Variants in SERPINB7 observed in about 807,000 individuals in gnomAD.
SERPINB7 encodes the protein serpin B7.
In SERPINB7, 31 loss-of-function variants were observed where a neutral mutation model predicts 37.4. The ratio of observed to expected loss-of-function variants is 0.83; its 90% confidence interval spans 0.62 to 1.12. The LOEUF is 1.12. Among genes scored for constraint, SERPINB7 ranks in the 50% most tolerant of loss-of-function variants. SERPINB7 has a pLI of 0.00. For missense variants in SERPINB7, 521 were observed against 455.3 expected (o/e 1.14, Z -1.31); for synonymous variants, 163 against 166.1 (o/e 0.98, Z 0.14).
intron 2 of SERPINB7, among the ~76,000 whole-genome samples, chr18:63,783,742 G>A (rs750817031): frequency 3.3e-5 from 5 of 152,074 alleles, no homozygotes; most frequent in Admixed American, 6.5e-5. Flanking sequence ...CCTTGATGTC[G>A]TCCCTTTCTG....
rs56321333 is a variant in SERPINB7, at chr18:63,786,099, GTA to G, written c.168+3567_168+3568del. Among the ~76,000 whole-genome samples the G allele has an allele frequency of 3.2e-3, 200 of 62,604 alleles. 4 individuals are homozygous for G. Among genetic ancestry groups the G allele is most frequent in the Non-Finnish European group, 5.1e-3 (171 of 33,410 alleles). 41.1% of individuals were successfully genotyped at this position (62,604 alleles called of 152,430 possible). On this transcript the variant is annotated intron_variant, in intron 2 of 7. Coordinates refer to ENST00000398019, the MANE Select transcript of SERPINB7 (RefSeq NM_003784.4). ...ATATACATATATACATATAATATAA[GTA>G]TATATATGTATATATGTATATATAT...
chr18:63,804,688 C>G lies in SERPINB7; in HGVS notation c.*53C>G, dbSNP rs1217606877. Reference sequence around the variant, plus strand: ...TCCCCACAACATCAAAGAACCACCACAAGTCAATAGATTTGAGTTTAATTG... The same window carrying G: ...TCCCCACAACATCAAAGAACCACCAGAAGTCAATAGATTTGAGTTTAATTG... On this transcript the variant is annotated 3_prime_UTR_variant, in exon 8 of 8. Coordinates refer to ENST00000398019, the MANE Select transcript of SERPINB7 (RefSeq NM_003784.4). The G allele has an allele frequency of 6.7e-7, 1 of 1,486,726 alleles. No individual in the cohort carries two copies. The highest frequency in any genetic ancestry group is 9.0e-7 in the Non-Finnish European group (1 of 1,105,480). The allele number at this position is 1,486,726 out of a possible 1,614,324, so 92.1% of individuals were successfully genotyped here.
chr18:63,803,053 C>T (rs1433804969), intron 7 of SERPINB7, among the ~76,000 whole-genome samples: 1 of 151,928 alleles, frequency 6.6e-6, no homozygotes, highest in Non-Finnish European at 1.5e-5. Context: ...AAAAAGTAGC[C>T]CAGATAAAGC....
intron 1 of SERPINB7, among the ~76,000 whole-genome samples, chr18:63,757,590 C>T (rs1217428643): frequency 6.6e-6 from 1 of 152,190 alleles, no homozygotes; most frequent in African/African-American, 2.4e-5. Flanking sequence ...TGAAACACAG[C>T]CATGTCTATT....
chr18:63,787,161 G>A (rs2049381704), intron 2 of SERPINB7, among the ~76,000 whole-genome samples: 1 of 152,106 alleles, frequency 6.6e-6, no homozygotes, highest in African/African-American at 2.4e-5. Flanking sequence ...GGTCACATAT[G>A]GAATTTTCTA....
At chr18:63,768,016 G>T (rs936234549) in intron 1 of SERPINB7, among the ~76,000 whole-genome samples, 2 of 151,878 alleles carry the variant, frequency 1.3e-5, no homozygotes, top group Non-Finnish European at 2.9e-5. Flanking sequence ...GAAGTCTGAA[G>T]GTCTCTTCCC....
Position 63,779,883 on chromosome 18 carries a change from A to C in SERPINB7, c.-18-2472A>C, listed in dbSNP as rs139583859. 6.6e-4 allele frequency among the ~76,000 whole-genome samples: 100 copies of C among 152,270 alleles called. 1 individual carries two copies. The East Asian group carries it at 0.017, about 26-fold the overall frequency. On this transcript the variant is annotated intron_variant, in intron 1 of 7. Transcript: ENST00000398019. Reference sequence around the variant, plus strand: ...AATTTTTTTTTGCCCCAAAGGATAAAATAGTAAGGCATAATTTGTAAAACA... The same window carrying C: ...AATTTTTTTTTGCCCCAAAGGATAACATAGTAAGGCATAATTTGTAAAACA...
intron 4 of SERPINB7, among the ~76,000 whole-genome samples, chr18:63,794,419 G>A (rs936804980): frequency 2.5e-4 from 38 of 151,988 alleles, no homozygotes; most frequent in African/African-American, 8.2e-4. Flanking sequence ...CTCTTTGTGC[G>A]GTGGCTCACG....
chr18:63,789,484 A>G (rs989914532), intron 2 of SERPINB7, among the ~76,000 whole-genome samples: 1 of 152,190 alleles, frequency 6.6e-6, no homozygotes, highest in Non-Finnish European at 1.5e-5. Flanking sequence ...CATGGAGTGG[A>G]AGGTCCCTGT....
chr18:63,798,010 C>T (rs8083531), intron 5 of SERPINB7, among the ~76,000 whole-genome samples: 24,769 of 152,264 alleles, frequency 0.16, 2,221 homozygotes, highest in Non-Finnish European at 0.2. Flanking sequence ...CCACAGTGCA[C>T]TGAGGTCAGA....
chr18:63,771,107 A>G (rs577543725), upstream of SERPINB7, among the ~76,000 whole-genome samples: 7 of 152,220 alleles, frequency 4.6e-5, no homozygotes, highest in East Asian at 1.9e-4. Flanking sequence ...GTGAACATGT[A>G]CAAGAAAGTA....
At chr18:63,791,397 A>G (rs186645226) in intron 2 of SERPINB7, among the ~76,000 whole-genome samples, 9 of 152,340 alleles carry the variant, frequency 5.9e-5, no homozygotes, top group Admixed American at 5.2e-4. Flanking sequence ...AAATTTAGGA[A>G]TAATCATTGG....
intron 2 of SERPINB7, among the ~76,000 whole-genome samples, chr18:63,783,724 T>G (rs1406514769): frequency 6.6e-6 from 1 of 152,190 alleles, no homozygotes; most frequent in Admixed American, 6.5e-5. Flanking sequence ...CCAGGCTGCA[T>G]GCAGAGGCCT....
At chr18:63,794,031 C>T (rs565497893) in intron 4 of SERPINB7, among the ~76,000 whole-genome samples, 3 of 151,352 alleles carry the variant, frequency 2.0e-5, no homozygotes, top group East Asian at 2.0e-4. Flanking sequence ...GCAACCTCTG[C>T]GTCTCGGGTT....
chr18:63,773,186 C>A (rs1171737677), upstream of SERPINB7, among the ~76,000 whole-genome samples: 1 of 152,064 alleles, frequency 6.6e-6, no homozygotes, highest in African/African-American at 2.4e-5. Flanking sequence ...AGCCATGGAA[C>A]TTGCCACTAC....
At chr18:63,761,960 A>C (rs1401924228) in intron 1 of SERPINB7, among the ~76,000 whole-genome samples, 1 of 152,142 alleles carries the variant, frequency 6.6e-6, no homozygotes, top group East Asian at 1.9e-4. Flanking sequence ...GATCCAACTT[A>C]TCTTTCAGGT....
chr18:63,754,823 C>G (rs1444592673), intron 1 of SERPINB7, among the ~76,000 whole-genome samples: 3 of 147,294 alleles, frequency 2.0e-5, no homozygotes, highest in Non-Finnish European at 4.5e-5. Flanking sequence ...TTTGAAGGGA[C>G]AGGCAGGGAA....
chr18:63,776,480 A>C (rs1476665388), intron 1 of SERPINB7, among the ~76,000 whole-genome samples: 1 of 151,874 alleles, frequency 6.6e-6, no homozygotes, highest in African/African-American at 2.4e-5. Context: ...CCTTACTTCT[A>C]TCAGTGGCGT....
chr18:63,802,743 C>A (rs761453578), intron 7 of SERPINB7, among the ~76,000 whole-genome samples: 1 of 152,174 alleles, frequency 6.6e-6, no homozygotes, highest in Non-Finnish European at 1.5e-5. Context: ...AACAGACATG[C>A]CTACCATCCA....
Sources: gnomAD v4.1 joint callset for allele counts (sites outside exome capture counted in the v4.1 genomes callset) on GRCh38, gnomAD v4.1.1 for gene constraint, MANE v1.5 for transcripts, NCBI Gene and HGNC (gene_info 2026-07-23, HGNC 2026-07-21) for gene names.